LZIC: variants seen among roughly 807,000 people sequenced by gnomAD.
LZIC encodes protein LZIC.
A neutral mutation model predicts 25.4 loss-of-function variants in LZIC; 28 were observed. The ratio of observed to expected loss-of-function variants is 1.10; its 90% CI spans 0.82 to 1.51. LZIC has a LOEUF of 1.51. Among genes scored for constraint, LZIC ranks in the 40% most tolerant of loss-of-function variants. LZIC has a pLI of 0.00. For missense variants in LZIC, 170 were observed against 211.1 expected (o/e 0.81, Z 1.21); for synonymous variants, 65 against 70.7 (o/e 0.92, Z 0.40).
chr1:9,932,976 G>T, intron 5 of LZIC, 78 bp from the exon 6 acceptor site: 1 of 976,528 alleles, frequency 1.0e-6, no homozygotes, highest in Non-Finnish European at 1.6e-6. Flanking sequence ...TTCAGGCCAG[G>T]CGCAGTGGCT....
In LZIC at chr1:9,936,602, C is replaced by T. The variant is rs1262976117; in HGVS notation, c.18G>A (p.Lys6=). The change falls in exon 3 of 8, where the codon AAG becomes AAA. Residue 6 remains lysine (K), a synonymous_variant. Coordinates refer to ENST00000377223, the MANE Select transcript of LZIC (RefSeq NM_032368.5). ...TCTGCTTTAATTTGCTTGTCTCTGT[C>T]TTTCCTCTGGAAGCCATTTTAATCT... The part of the protein sequence containing the change: MASRG[K]TETSKLKQNL... 1.2e-6 allele frequency: 2 copies of T among 1,612,886 alleles called. No homozygotes were observed.
chr1:9,926,769 CT>C lies in LZIC; in HGVS notation c.*3629del, dbSNP rs368375999. The stretch of plus-strand genomic sequence containing the variant: ...ACAAGAATGTTGAAAGGTTAGCTGC[CT>C]TAGCTTTATTGCTGCCTATAATCTC... On this transcript the variant is annotated 3_prime_UTR_variant, in exon 8 of 8. Transcript: ENST00000377223. Among the ~76,000 whole-genome samples the C allele has an allele frequency of 7.6e-3, 1,164 of 152,278 alleles. 8 individuals are homozygous for C. Among genetic ancestry groups the C allele is most frequent in the South Asian group, 0.017 (84 of 4,824 alleles).
Position 9,930,085 on chromosome 1 carries a change from A to C in LZIC, c.*314T>G. The C allele has an allele frequency of 1.8e-6, 2 of 1,094,148 alleles. No individual in the cohort carries two copies. The highest frequency in any genetic ancestry group is 6.9e-5 in the South Asian group (2 of 29,038). 67.8% of individuals were successfully genotyped at this position (1,094,148 alleles called of 1,614,324 possible). A position where few individuals can be genotyped will look rare whatever the true frequency, so the allele number is the denominator to read the frequency against. Reference sequence around the variant, plus strand: ...TCACATCTTTTCGTTCACTATCAACACTTAAAAACAAACAGCCTTAATAAA... The same window carrying C: ...TCACATCTTTTCGTTCACTATCAACCCTTAAAAACAAACAGCCTTAATAAA... On this transcript the variant is annotated 3_prime_UTR_variant, in exon 8 of 8. Coordinates refer to ENST00000377223, the MANE Select transcript of LZIC (RefSeq NM_032368.5).
Position 9,936,594 on chromosome 1 carries a change from G to GTCTC in LZIC, c.22_25dup (p.Thr9ArgfsTer15). ...TTCTAAATTCTGCTTTAATTTGCTT[G>GTCTC]TCTCTGTCTTTCCTCTGGAAGCCAT... is the stretch of plus-strand genomic sequence containing the variant. On this transcript the variant is annotated frameshift_variant, in exon 3 of 8. Transcript: ENST00000377223. LOFTEE classifies it high-confidence loss of function. The GTCTC allele has an allele frequency of 6.2e-7, 1 of 1,613,100 alleles. No homozygotes were observed. The highest frequency in any genetic ancestry group is 8.5e-7 in the Non-Finnish European group (1 of 1,179,292).
chr1:9,942,180 G>C (rs1001444208), intron 2 of LZIC, among the ~76,000 whole-genome samples: 7 of 152,136 alleles, frequency 4.6e-5, no homozygotes, highest in Non-Finnish European at 8.8e-5. Flanking sequence ...GTCTCCCAAA[G>C]TGATGGGATT....
Position 9,929,140 on chromosome 1 carries a change from C to A in LZIC, c.*1259G>T. ...TTGCACACCACTGTAAATGTTCTGC[C>A]AACGAATGGTACACTTTAAAATGGT... On this transcript the variant is annotated 3_prime_UTR_variant, in exon 8 of 8. Transcript: ENST00000377223. 4.3e-6 allele frequency: 1 copy of A among 229,966 alleles called. No individual in the cohort carries two copies. Among genetic ancestry groups the A allele is most frequent in the Non-Finnish European group, 7.2e-6 (1 of 139,316 alleles). The allele number at this position is 229,966 out of a possible 1,614,324, so 14.2% of individuals were successfully genotyped here.
Position 9,927,952 on chromosome 1 carries a change from T to C in LZIC, c.*2447A>G, listed in dbSNP as rs566708484. ...CCTCCTGAAGTGCTGGGATTACAGGTGTGAGCCACTGTGCCCGACTGGTGG... is the reference window on the plus strand; with the variant it reads ...CCTCCTGAAGTGCTGGGATTACAGGCGTGAGCCACTGTGCCCGACTGGTGG... On this transcript the variant is annotated 3_prime_UTR_variant, in exon 8 of 8. Transcript: ENST00000377223. 6.6e-6 allele frequency among the ~76,000 whole-genome samples: 1 copy of C among 151,874 alleles called. No homozygotes were observed. Among genetic ancestry groups the C allele is most frequent in the South Asian group, 2.1e-4 (1 of 4,812 alleles).
At chr1:9,932,031 A>G (rs1026666791) in intron 6 of LZIC, 59 bp from the exon 7 acceptor site, 39 of 1,300,554 alleles carry the variant, frequency 3.0e-5, no homozygotes, top group Non-Finnish European at 4.0e-5. Flanking sequence ...GGTTCTAGAA[A>G]CCAGGTAAGA....
At position 9,930,407 on chromosome 1, in the gene LZIC, TTG is replaced by T. The variant is rs1228932594; in HGVS notation, c.563_564del (p.Thr188LysfsTer10). On this transcript the variant is annotated frameshift_variant, in exon 8 of 8. Transcript: ENST00000377223. LOFTEE classifies it high-confidence loss of function. ...CAAGCTTCTGCACCATGTCATTTTTTTGTTTTTTCAACCTCAAAACTTGCCAG... is the reference window on the plus strand; with the variant it reads ...CAAGCTTCTGCACCATGTCATTTTTTTTTTTTCAACCTCAAAACTTGCCAG... Reference protein sequence around the residue: ...LALASFEVEKTKK With the variant: ...LALASFEVEKXKK The T allele has an allele frequency of 1.2e-6, 2 of 1,613,806 alleles. No homozygotes were observed. Among genetic ancestry groups the T allele is most frequent in the Non-Finnish European group, 1.7e-6 (2 of 1,179,852 alleles).
rs1349902613 is a variant in LZIC, at chr1:9,928,264, G to A, written c.*2135C>T. Among the ~76,000 whole-genome samples the A allele has an allele frequency of 6.6e-6, 1 of 151,964 alleles. No individual in the cohort carries two copies. The highest frequency in any genetic ancestry group is 2.4e-5 in the African/African-American group (1 of 41,382). Reference sequence around the variant, plus strand: ...GGAGGCAGAAGTTGTGGTGAGCCGAGATCACGCCATTGCACTCCAGCCTGG... The same window carrying A: ...GGAGGCAGAAGTTGTGGTGAGCCGAAATCACGCCATTGCACTCCAGCCTGG... On this transcript the variant is annotated 3_prime_UTR_variant, in exon 8 of 8. Transcript: ENST00000377223.
Position 9,932,070 on chromosome 1 carries a change from C to T in LZIC, c.433-98G>A, listed in dbSNP as rs145376083. 2.3e-3 allele frequency: 1,263 copies of T among 551,418 alleles called. 7 individuals are homozygous for T. Among genetic ancestry groups the T allele is most frequent in the Middle Eastern group, 5.2e-3 (10 of 1,930 alleles). 34.2% of individuals were successfully genotyped at this position (551,418 alleles called of 1,614,324 possible). On this transcript the variant is annotated intron_variant, in intron 6 of 7. Transcript: ENST00000377223. ...TCTTAGGAGGCTGGGCACCGTGGCT[C>T]ACGCCTGTAATCCCTGCACTTTGGG... is the stretch of plus-strand genomic sequence containing the variant.
At chr1:9,925,255 G>A (rs191801434), downstream of LZIC, among the ~76,000 whole-genome samples, 3 of 152,104 alleles carry the variant, frequency 2.0e-5, no homozygotes, top group East Asian at 5.8e-4. Context: ...GAACCCTGCG[G>A]CAAGCCGAGA....
At chr1:9,925,226 T>C (rs1639952972), downstream of LZIC, among the ~76,000 whole-genome samples, 1 of 151,566 alleles carries the variant, frequency 6.6e-6, no homozygotes, top group Non-Finnish European at 1.5e-5. Context: ...CTCAGGAGGC[T>C]GAGGCAGGAG....
Position 9,927,842 on chromosome 1 carries a change from C to A in LZIC, c.*2557G>T, listed in dbSNP as rs1188535363. On this transcript the variant is annotated 3_prime_UTR_variant, in exon 8 of 8. Coordinates refer to ENST00000377223, the MANE Select transcript of LZIC (RefSeq NM_032368.5). Reference sequence around the variant, plus strand: ...GAGACTACAGGCACCTGCCACTATGCCTGGCTAATTTTTGTAGAGATGGAG... The same window carrying A: ...GAGACTACAGGCACCTGCCACTATGACTGGCTAATTTTTGTAGAGATGGAG... 6.6e-6 allele frequency among the ~76,000 whole-genome samples: 1 copy of A among 151,384 alleles called. No individual in the cohort carries two copies. Among genetic ancestry groups the A allele is most frequent in the Non-Finnish European group, 1.5e-5 (1 of 67,898 alleles).
rs765313438 is a variant in LZIC, at chr1:9,935,473, G to A, written c.237+19C>T. On this transcript the variant is annotated intron_variant, in intron 4 of 7. Transcript: ENST00000377223. ...AAAAAAACAAAGTCTGTCCTCTGTC[G>A]CCTATATGTTATACTTACCAGCTGC... The A allele has an allele frequency of 1.3e-5, 21 of 1,579,562 alleles. No individual in the cohort carries two copies. Among genetic ancestry groups the A allele is most frequent in the Admixed American group, 8.0e-5 (4 of 50,226 alleles).
rs531036043 is a variant in LZIC, at chr1:9,940,713, A to G, written c.-9+1911T>C. The stretch of plus-strand genomic sequence containing the variant: ...GAGAGGATTCTTACAGTATATTCAA[A>G]ATTAAATATAATGACAAAAAATTAC... On this transcript the variant is annotated intron_variant, in intron 2 of 7. Coordinates refer to ENST00000377223, the MANE Select transcript of LZIC (RefSeq NM_032368.5). Among the ~76,000 whole-genome samples, 238 of 152,338 alleles carry G rather than the reference A, an allele frequency of 1.6e-3. 2 individuals are homozygous for G. Among genetic ancestry groups the G allele is most frequent in the African/African-American group, 5.4e-3 (224 of 41,580 alleles).
chr1:9,930,257 A>C lies in LZIC; in HGVS notation c.*142T>G. ...GATGAAGAGCATAAACACAAGCCAT[A>C]AGTATATTTTTATGTCGCTTTTTCT... On this transcript the variant is annotated 3_prime_UTR_variant, in exon 8 of 8. Transcript: ENST00000377223. 6.6e-7 allele frequency: 1 copy of C among 1,522,308 alleles called. No homozygotes were observed. Among genetic ancestry groups the C allele is most frequent in the South Asian group, 1.3e-5 (1 of 75,834 alleles). 94.3% of individuals were successfully genotyped at this position (1,522,308 alleles called of 1,614,324 possible). A position where few individuals can be genotyped will look rare whatever the true frequency, so the allele number is the denominator to read the frequency against.
chr1:9,922,180 G>A (rs536309595), downstream of LZIC: 301 of 483,058 alleles, frequency 6.2e-4, no homozygotes, highest in Non-Finnish European at 7.9e-4. Context: ...TCCCAAAAGC[G>A]CTTACATCAT....
At position 9,932,115 on chromosome 1, in the gene LZIC, G is replaced by T. The variant is rs766140547; in HGVS notation, c.433-143C>A. On this transcript the variant is annotated intron_variant, in intron 6 of 7. Transcript: ENST00000377223. ...TTTGGGAGGCGTGGGGGGGGGGGGGGGGTGGATCACATGAGGTCAGCAGTT... is the reference window on the plus strand; with the variant it reads ...TTTGGGAGGCGTGGGGGGGGGGGGGTGGTGGATCACATGAGGTCAGCAGTT... The T allele has an allele frequency of 4.5e-5, 18 of 398,524 alleles. 1 individual carries two copies. The highest frequency in any genetic ancestry group is 2.1e-4 in the African/African-American group (7 of 33,682). The allele number at this position is 398,524 out of a possible 1,614,324, so 24.7% of individuals were successfully genotyped here. A position where few individuals can be genotyped will look rare whatever the true frequency, so the allele number is the denominator to read the frequency against.
Sources: gnomAD v4.1 joint callset for allele counts (sites outside exome capture counted in the v4.1 genomes callset) on GRCh38, gnomAD v4.1.1 for gene constraint, MANE v1.5 for transcripts, NCBI Gene and HGNC (gene_info 2026-07-23, HGNC 2026-07-21) for gene names.